The following THSD7B variants were observed in gnomAD, a reference collection of about 807,000 sequenced individuals.
THSD7B encodes thrombospondin type 1 domain containing 7B, also known as thrombospondin type-1 domain-containing protein 7B.
THSD7B carries 138 observed loss-of-function variants against 213.6 expected under a neutral mutation model. That is an observed-to-expected ratio of 0.65 (90% CI 0.56 to 0.74). The LOEUF (loss-of-function observed/expected upper bound fraction) is 0.74. Among genes scored for constraint, THSD7B ranks in the 30% least tolerant of loss-of-function variants. The pLI is 0.00. For missense variants in THSD7B, 1,931 were observed against 1,991.5 expected, an observed-to-expected ratio of 0.97 and a Z score of 0.58; for synonymous variants, 742 against 687.0, an observed-to-expected ratio of 1.08 and a Z score of -1.25.
At chr2:137,155,569 G>A (rs1038716373) in intron 5 of THSD7B, among the ~76,000 whole-genome samples, 1 of 151,998 alleles carries the variant, frequency 6.6e-6, no homozygotes, top group African/African-American at 2.4e-5. Flanking sequence ...CCAACTTTAG[G>A]TGACCCAGGA....
At chr2:137,238,563 T>C (rs867826574) in intron 9 of THSD7B, among the ~76,000 whole-genome samples, 5 of 109,440 alleles carry the variant, frequency 4.6e-5, no homozygotes, top group African/African-American at 5.9e-5. Flanking sequence ...TTTTTTTTTT[T>C]TGAGACGGAG....
At chr2:137,597,468 GTT>G (rs5834565) in intron 17 of THSD7B, among the ~76,000 whole-genome samples, 1 of 143,526 alleles carries the variant, frequency 7.0e-6, no homozygotes, top group Non-Finnish European at 1.5e-5. Flanking sequence ...AAAAAAACCT[GTT>G]TTTTTTTTTT....
Position 137,241,161 on chromosome 2 carries a change from T to C in THSD7B, c.2151-1296T>C, listed in dbSNP as rs1317470433. Among the ~76,000 whole-genome samples the C allele has an allele frequency of 2.0e-5, 3 of 152,350 alleles. No homozygotes were observed. The South Asian group carries it at 6.2e-4, about 32-fold the overall frequency. On this transcript the variant is annotated intron_variant, in intron 9 of 27. Coordinates refer to ENST00000409968, the MANE Select transcript of THSD7B (RefSeq NM_001316349.2). Reference sequence around the variant, plus strand: ...GCTGTTAAGAGTAACTGAAAGAATGTAGGCAGAGCACTTAACTCAGCACTG... The same window carrying C: ...GCTGTTAAGAGTAACTGAAAGAATGCAGGCAGAGCACTTAACTCAGCACTG...
At chr2:137,156,041 G>A (rs1339663759) in intron 5 of THSD7B, 2 of 152,172 alleles carry the variant, frequency 1.3e-5, no homozygotes, top group East Asian at 3.9e-4. Context: ...AGTCTTGGGA[G>A]CTTAGTTTTT....
intron 2 of THSD7B, among the ~76,000 whole-genome samples, chr2:136,966,477 A>G (rs1374369432): frequency 7.9e-5 from 12 of 152,174 alleles, no homozygotes; most frequent in Admixed American, 7.9e-4. Context: ...TCAGCCTCCA[A>G]AAGTGCTGGA....
At chr2:137,493,969 A>C (rs1241381340) in intron 15 of THSD7B, among the ~76,000 whole-genome samples, 1 of 152,172 alleles carries the variant, frequency 6.6e-6, no homozygotes, top group Non-Finnish European at 1.5e-5. Context: ...TCATAATTAA[A>C]TTTGATGCAT....
At chr2:136,804,247 C>T (rs1445613340) in intron 1 of THSD7B, among the ~76,000 whole-genome samples, 1 of 152,088 alleles carries the variant, frequency 6.6e-6, no homozygotes, top group Non-Finnish European at 1.5e-5. Context: ...TGTTCAGCTT[C>T]CTCATGTGCA....
chr2:137,418,521 C>T (rs1686849286), intron 14 of THSD7B, among the ~76,000 whole-genome samples: 1 of 152,132 alleles, frequency 6.6e-6, no homozygotes, highest in Non-Finnish European at 1.5e-5. Flanking sequence ...ACATTCATCA[C>T]CTTAAATATC....
At chr2:137,560,617 C>T (rs1005650100) in intron 15 of THSD7B, among the ~76,000 whole-genome samples, 9 of 151,948 alleles carry the variant, frequency 5.9e-5, no homozygotes, top group Non-Finnish European at 8.8e-5. Context: ...ATGTAAATGA[C>T]GAGCTAATGG....
intron 20 of THSD7B, among the ~76,000 whole-genome samples, chr2:137,639,230 G>A (rs972775735): frequency 6.6e-6 from 1 of 152,170 alleles, no homozygotes. Context: ...TCCAGCTGTG[G>A]CTGAAAGGGG....
intron 3 of THSD7B, among the ~76,000 whole-genome samples, chr2:137,076,347 C>G (rs1242275141): frequency 6.6e-6 from 1 of 152,212 alleles, no homozygotes; most frequent in East Asian, 1.9e-4. Flanking sequence ...GACTGCTGTT[C>G]TAGCAATAAG....
At chr2:137,579,518 G>GCACACA (rs145650148) in intron 17 of THSD7B, among the ~76,000 whole-genome samples, 10 of 139,948 alleles carry the variant, frequency 7.1e-5, no homozygotes, top group African/African-American at 2.8e-4. Flanking sequence ...GTGAGTACAT[G>GCACACA]CACACACACA....
chr2:137,167,902 C>T (rs766274177), intron 6 of THSD7B, among the ~76,000 whole-genome samples: 4 of 152,122 alleles, frequency 2.6e-5, no homozygotes, highest in Non-Finnish European at 4.4e-5. Context: ...GGCGAAAACA[C>T]AATATCCACA....
intron 12 of THSD7B, among the ~76,000 whole-genome samples, chr2:137,339,043 A>G (rs919597067): frequency 1.3e-5 from 2 of 152,090 alleles, no homozygotes; most frequent in Non-Finnish European, 2.9e-5. Flanking sequence ...CTTTTTTGAT[A>G]ACATAAAGAA....
At chr2:136,818,352 T>A (rs867838513) in intron 1 of THSD7B, among the ~76,000 whole-genome samples, 59 of 134,950 alleles carry the variant, frequency 4.4e-4, no homozygotes, top group African/African-American at 9.7e-4. Flanking sequence ...AACAATGAGA[T>A]CACATGGACA....
chr2:136,898,463 C>T (rs760530058), intron 2 of THSD7B, among the ~76,000 whole-genome samples: 8 of 151,580 alleles, frequency 5.3e-5, no homozygotes, highest in East Asian at 2.0e-4. Context: ...TGAGCCACAG[C>T]GCCCAGCCCC....
chr2:137,298,433 A>AT (rs2104842864), intron 12 of THSD7B, among the ~76,000 whole-genome samples: 1 of 152,228 alleles, frequency 6.6e-6, no homozygotes, highest in Admixed American at 6.5e-5. Context: ...AGCAAAACCC[A>AT]TTTTTTAAGG....
intron 2 of THSD7B, among the ~76,000 whole-genome samples, chr2:137,039,217 G>A (rs1372789996): frequency 6.6e-6 from 1 of 152,130 alleles, no homozygotes. Context: ...TCACTGTCCT[G>A]AATCTTCCCC....
chr2:136,885,132 A>G (rs1235071959), intron 2 of THSD7B, among the ~76,000 whole-genome samples: 1 of 152,228 alleles, frequency 6.6e-6, no homozygotes, highest in Non-Finnish European at 1.5e-5. Flanking sequence ...GAATTTGAAC[A>G]GATTTCCATG....
Sources: gnomAD v4.1 joint callset for allele counts (sites outside exome capture counted in the v4.1 genomes callset) on GRCh38, gnomAD v4.1.1 for gene constraint, MANE v1.5 for transcripts, NCBI Gene and HGNC (gene_info 2026-07-23, HGNC 2026-07-21) for gene names.